The following ARHGEF38 variants were observed in gnomAD, a reference collection of about 807,000 sequenced individuals.
The protein encoded by ARHGEF38 is Rho guanine nucleotide exchange factor 38, also known as Rho guanine nucleotide exchange factor (GEF) 38.
A neutral mutation model predicts 79.9 loss-of-function variants in ARHGEF38; 79 were observed. The ratio of observed to expected loss-of-function variants is 0.99; its 90% confidence interval spans 0.82 to 1.19. The LOEUF is 1.19. ARHGEF38 is among the 50% of genes most tolerant of loss of function. The pLI, the probability that ARHGEF38 is intolerant of heterozygous loss-of-function variation, is 0.00. For synonymous variants in ARHGEF38, 366 were observed against 328.3 expected, an observed-to-expected ratio of 1.11 and a Z score of -1.24; for missense variants, 962 against 907.2, an observed-to-expected ratio of 1.06 and a Z score of -0.78.
chr4:105,674,986 T>A (rs1340269516), intron 13 of ARHGEF38, among the ~76,000 whole-genome samples: 1 of 152,180 alleles, frequency 6.6e-6, no homozygotes, highest in Non-Finnish European at 1.5e-5. Flanking sequence ...CAACCACTAA[T>A]GCAGGCTCTT....
chr4:105,677,259 G>A (rs1469951164), intron 13 of ARHGEF38, among the ~76,000 whole-genome samples: 2 of 152,062 alleles, frequency 1.3e-5, no homozygotes, highest in Admixed American at 1.3e-4. Flanking sequence ...CACCGCGCCC[G>A]GCCTGCACCG....
chr4:105,556,773 C>G (rs1482687875), intron 1 of ARHGEF38, among the ~76,000 whole-genome samples: 4 of 152,078 alleles, frequency 2.6e-5, no homozygotes, highest in Non-Finnish European at 5.9e-5. Context: ...AAGCAGGAAA[C>G]TGGTGTGAAG....
At chr4:105,630,824 A>G (rs111406789) in intron 3 of ARHGEF38, 74 bp from the exon 4 acceptor site, 1 of 1,362,998 alleles carries the variant, frequency 7.3e-7, no homozygotes, top group African/African-American at 1.5e-5. Flanking sequence ...ACGAGTCGAC[A>G]TTGTTGAAAA....
At chr4:105,614,012 A>T (rs1488309656) in intron 3 of ARHGEF38, among the ~76,000 whole-genome samples, 2 of 151,986 alleles carry the variant, frequency 1.3e-5, no homozygotes, top group Non-Finnish European at 2.9e-5. Flanking sequence ...TTTCTGTATT[A>T]TTTACCTTCC....
At chr4:105,586,013 G>A (rs573160340) in intron 1 of ARHGEF38, among the ~76,000 whole-genome samples, 2 of 152,200 alleles carry the variant, frequency 1.3e-5, no homozygotes, top group East Asian at 3.9e-4. Flanking sequence ...TTACAGGCAT[G>A]AGCCACTGCG....
chr4:105,669,513 A>G (rs988558156), intron 13 of ARHGEF38, among the ~76,000 whole-genome samples: 1 of 152,012 alleles, frequency 6.6e-6, no homozygotes, highest in Non-Finnish European at 1.5e-5. Context: ...CTTCAAAAGT[A>G]TGGTTCTATT....
At chr4:105,653,191 T>C (rs1368118597) in intron 7 of ARHGEF38, among the ~76,000 whole-genome samples, 1 of 152,156 alleles carries the variant, frequency 6.6e-6, no homozygotes, top group Non-Finnish European at 1.5e-5. Context: ...TGGATGTACA[T>C]GTAAGATGAC....
chr4:105,619,198 C>A (rs896911521), intron 3 of ARHGEF38, among the ~76,000 whole-genome samples: 1 of 151,808 alleles, frequency 6.6e-6, no homozygotes, highest in Non-Finnish European at 1.5e-5. Flanking sequence ...GCTGGCCTTG[C>A]GACTTGCTTT....
At chr4:105,560,954 T>G (rs982441076) in intron 1 of ARHGEF38, among the ~76,000 whole-genome samples, 1 of 152,208 alleles carries the variant, frequency 6.6e-6, no homozygotes, top group Non-Finnish European at 1.5e-5. Context: ...AATGGAAAGC[T>G]GACTCTCCTT....
At position 105,639,400 on chromosome 4, in the gene ARHGEF38, G is replaced by A. The variant is rs563439821; in HGVS notation, c.674+2980G>A. Reference sequence around the variant, plus strand: ...TTTTACGGAGCTAAATTTTTAAATAGACATCATTTTTTTCTACTGTGCCTT... The same window carrying A: ...TTTTACGGAGCTAAATTTTTAAATAAACATCATTTTTTTCTACTGTGCCTT... On this transcript the variant is annotated intron_variant, in intron 5 of 13. Coordinates refer to ENST00000420470, the MANE Select transcript of ARHGEF38 (RefSeq NM_001242729.2). 4.3e-3 allele frequency among the ~76,000 whole-genome samples: 660 copies of A among 151,926 alleles called. 7 individuals carry two copies. The highest frequency in any genetic ancestry group is 0.015 in the African/African-American group (619 of 41,506).
chr4:105,659,288 A>G lies in ARHGEF38; in HGVS notation c.1468A>G (p.Asn490Asp), dbSNP rs1219789444. Residue 490 changes from asparagine to aspartate, a missense_variant, in exon 10 of 14, where the codon AAC becomes GAC. Physicochemically the swap from Asn to Asp is conservative, Grantham distance 23. Transcript: ENST00000420470. ...FNQAARKILL[N>D]CLCSFITLLR... is the part of the protein sequence containing the mutation. ...CCAGGCTGCTCGGAAGATTCTGTTGAACTGTCTATGCAGCTTCATTACCCT... is the reference window on the plus strand; with the variant it reads ...CCAGGCTGCTCGGAAGATTCTGTTGGACTGTCTATGCAGCTTCATTACCCT... 4 of 1,535,928 alleles carry G rather than the reference A, an allele frequency of 2.6e-6. No individual in the cohort carries two copies. The African/African-American group carries it at 4.1e-5, about 16-fold the overall frequency.
At position 105,674,630 on chromosome 4, in the gene ARHGEF38, T is replaced by C. The variant is rs115310104; in HGVS notation, c.2149-3122T>C. 8.0e-3 allele frequency among the ~76,000 whole-genome samples: 1,211 copies of C among 152,204 alleles called. 12 individuals carry two copies. The highest frequency in any genetic ancestry group is 0.027 in the African/African-American group (1,116 of 41,568). On this transcript the variant is annotated intron_variant, in intron 13 of 13. Coordinates refer to ENST00000420470, the MANE Select transcript of ARHGEF38 (RefSeq NM_001242729.2). ...GCAGCTTACTTCCATTTTGAGTATA[T>C]AATATATGCCCCCATTTAACATAAA...
intron 1 of ARHGEF38, 58 bp downstream of exon 1, chr4:105,553,019 C>A: frequency 7.3e-7 from 1 of 1,370,240 alleles, no homozygotes. Flanking sequence ...ATTTCTGCTA[C>A]GTTTCCAATT....
chr4:105,555,381 G>C (rs910126210), intron 1 of ARHGEF38, among the ~76,000 whole-genome samples: 9 of 152,176 alleles, frequency 5.9e-5, no homozygotes, highest in African/African-American at 2.2e-4. Context: ...GACTAGAACA[G>C]GGAAGGCGAC....
rs1729172691 is a variant in ARHGEF38, at chr4:105,631,125, G to T, written c.656+80G>T. ...CATTTTAAATGGATGTAGATGAAAGGTCTCACATAAATCCTATGTTTTATG... is the reference window on the plus strand; with the variant it reads ...CATTTTAAATGGATGTAGATGAAAGTTCTCACATAAATCCTATGTTTTATG... On this transcript the variant is annotated intron_variant, in intron 4 of 13. Coordinates refer to ENST00000420470, the MANE Select transcript of ARHGEF38 (RefSeq NM_001242729.2). 6 of 1,472,348 alleles carry T rather than the reference G, an allele frequency of 4.1e-6. No homozygotes were observed. The East Asian group carries it at 9.9e-5, about 24-fold the overall frequency. 91.2% of individuals were successfully genotyped at this position (1,472,348 alleles called of 1,614,324 possible).
intron 1 of ARHGEF38, among the ~76,000 whole-genome samples, chr4:105,572,785 C>A (rs1240237993): frequency 6.6e-6 from 1 of 152,110 alleles, no homozygotes. Context: ...ATCTATTTAT[C>A]CATTAATGGA....
rs191895708 is a variant in ARHGEF38 at position 105,571,509 on chromosome 4, A to T, written c.197-17739A>T. 4.5e-3 allele frequency among the ~76,000 whole-genome samples: 689 copies of T among 151,944 alleles called. 3 individuals are homozygous for T. Among genetic ancestry groups the T allele is most frequent in the African/African-American group, 0.016 (675 of 41,460 alleles). On this transcript the variant is annotated intron_variant, in intron 1 of 13. Transcript: ENST00000420470. The stretch of plus-strand genomic sequence containing the variant: ...AGCTAATTTTTTGTATTTTTAGTAA[A>T]GACGGGTTTCACTGTGTTGGCCAGG...
At position 105,628,629 on chromosome 4, in the gene ARHGEF38, C is replaced by T. The variant is rs77407324; in HGVS notation, c.509-2269C>T. Among the ~76,000 whole-genome samples, 1,356 of 152,236 alleles carry T rather than the reference C, an allele frequency of 8.9e-3. 10 individuals carry two copies. Among genetic ancestry groups the T allele is most frequent in the Non-Finnish European group, 0.015 (1,004 of 68,008 alleles). On this transcript the variant is annotated intron_variant, in intron 3 of 13. Transcript: ENST00000420470. The stretch of plus-strand genomic sequence containing the variant: ...TGTGTCCTTCAGCTCCAAAGATGCT[C>T]ACAGTTATTGAGTTTTCTTATAGGC...
intron 13 of ARHGEF38, among the ~76,000 whole-genome samples, chr4:105,669,777 C>T (rs1730897111): frequency 6.6e-6 from 1 of 152,096 alleles, no homozygotes; most frequent in African/African-American, 2.4e-5. Context: ...AAACCCTTTG[C>T]ACCCATTTGT....
Sources: gnomAD v4.1 joint callset for allele counts (sites outside exome capture counted in the v4.1 genomes callset) on GRCh38, gnomAD v4.1.1 for gene constraint, MANE v1.5 for transcripts, NCBI Gene and HGNC (gene_info 2026-07-23, HGNC 2026-07-21) for gene names.